Variants in NR3C2 observed in about 807,000 individuals in gnomAD.
NR3C2 encodes nuclear receptor subfamily 3 group C member 2.
In NR3C2, 15 loss-of-function variants were observed where a neutral mutation model predicts 86.4. The ratio of observed to expected loss-of-function variants is 0.17; its 90% CI spans 0.12 to 0.27. The LOEUF (loss-of-function observed/expected upper bound fraction) is 0.27. NR3C2 is among the 10% of genes least tolerant of loss of function. The pLI is 1.00. For missense variants in NR3C2, 960 were observed against 1,195.6 expected (o/e 0.80, Z 2.91); for synonymous variants, 458 against 450.5 (o/e 1.02, Z -0.21).
At chr4:148,410,334 T>C (rs939634166) in intron 2 of NR3C2, among the ~76,000 whole-genome samples, 3 of 152,148 alleles carry the variant, frequency 2.0e-5, no homozygotes, top group Non-Finnish European at 4.4e-5. Context: ...TATCTAATAA[T>C]AAAGTTTTGA....
intron 2 of NR3C2, among the ~76,000 whole-genome samples, chr4:148,422,354 C>A (rs1204478260): frequency 6.6e-6 from 1 of 151,542 alleles, no homozygotes. Flanking sequence ...ATCATAAATT[C>A]TTTAGTCATA....
At chr4:148,433,376 TAA>T (rs927527633) in intron 2 of NR3C2, among the ~76,000 whole-genome samples, 1 of 152,160 alleles carries the variant, frequency 6.6e-6, no homozygotes, top group African/African-American at 2.4e-5. Flanking sequence ...AGTTTAATCA[TAA>T]GAGATTATCA....
chr4:148,081,535 C>G (rs761398617), intron 8 of NR3C2, 36 bp from the exon 9 acceptor site: 2 of 1,610,926 alleles, frequency 1.2e-6, no homozygotes, highest in Non-Finnish European at 1.7e-6. Flanking sequence ...ACACGGGGGC[C>G]TCCTTTCCGA....
At chr4:148,181,789 T>C (rs768285703) in intron 4 of NR3C2, among the ~76,000 whole-genome samples, 4 of 152,240 alleles carry the variant, frequency 2.6e-5, no homozygotes, top group Non-Finnish European at 5.9e-5. Flanking sequence ...TATTTTCCTT[T>C]GCATGCTGCC....
chr4:148,280,244 C>T lies in NR3C2; in HGVS notation c.1758-20127G>A, dbSNP rs145938273. Among the ~76,000 whole-genome samples, 1,521 of 152,186 alleles carry T rather than the reference C, an allele frequency of 1.0e-2. 25 individuals carry two copies. Among genetic ancestry groups the T allele is most frequent in the African/African-American group, 0.035 (1,438 of 41,506 alleles). On this transcript the variant is annotated intron_variant, in intron 2 of 8. Transcript: ENST00000358102. The stretch of plus-strand genomic sequence containing the variant: ...ATATTTTCATAATTTTTCTGAAGTG[C>T]ACTTTTGGCTAACTACTATCAGACT...
chr4:148,435,997 G>T lies in NR3C2; in HGVS notation c.864C>A (p.Pro288=), dbSNP rs1347453917. Residue 288 remains proline (P), a synonymous_variant, in exon 2 of 9, where the codon CCC becomes CCA. Coordinates refer to ENST00000358102, the MANE Select transcript of NR3C2 (RefSeq NM_000901.5). ...HCSVKSPVSS[P]NNVTLRSSVS... ...CAGAGGATCTCAGAGTGACATTATT[G>T]GGACTGGAGACTGGAGATTTTACAC... The T allele has an allele frequency of 5.6e-6, 9 of 1,614,192 alleles. No individual in the cohort carries two copies. The highest frequency in any genetic ancestry group is 7.6e-6 in the Non-Finnish European group (9 of 1,180,038).
chr4:148,216,330 A>T (rs1737535780), intron 3 of NR3C2, among the ~76,000 whole-genome samples: 1 of 152,186 alleles, frequency 6.6e-6, no homozygotes, highest in Non-Finnish European at 1.5e-5. Flanking sequence ...TTCCTGGTCA[A>T]CTGCCGAAGT....
At chr4:148,367,815 C>T (rs2126359929) in intron 2 of NR3C2, among the ~76,000 whole-genome samples, 1 of 151,488 alleles carries the variant, frequency 6.6e-6, no homozygotes, top group Non-Finnish European at 1.5e-5. Flanking sequence ...CATTGAAAAC[C>T]TGTGTTTTTC....
At chr4:148,281,371 C>T (rs3857083) in intron 2 of NR3C2, among the ~76,000 whole-genome samples, 77,037 of 152,088 alleles carry the variant, frequency 0.51, 20,891 homozygotes, top group African/African-American at 0.71. Context: ...CATAGTTGAG[C>T]GCTATGGTTC....
intron 4 of NR3C2, among the ~76,000 whole-genome samples, chr4:148,172,124 T>C (rs1009424643): frequency 6.6e-6 from 1 of 152,178 alleles, no homozygotes; most frequent in Admixed American, 6.5e-5. Flanking sequence ...TGTTTTTACA[T>C]TTGTCTCGGG....
intron 2 of NR3C2, among the ~76,000 whole-genome samples, chr4:148,287,979 A>G (rs1741612188): frequency 1.3e-5 from 2 of 152,186 alleles, no homozygotes; most frequent in Admixed American, 1.3e-4. Flanking sequence ...CATTTAACTA[A>G]CTATATTCTT....
intron 2 of NR3C2, among the ~76,000 whole-genome samples, chr4:148,410,399 A>T (rs1429937321): frequency 6.6e-6 from 1 of 152,206 alleles, no homozygotes; most frequent in African/African-American, 2.4e-5. Context: ...AAACTACACC[A>T]TCGTCCAAGA....
chr4:148,223,218 C>T lies in NR3C2; in HGVS notation c.1898-28356G>A, dbSNP rs148831343. Among the ~76,000 whole-genome samples, 409 of 152,232 alleles carry T rather than the reference C, an allele frequency of 2.7e-3. 15 individuals are homozygous for T. Among genetic ancestry groups the T allele is most frequent in the Admixed American group, 0.024 (363 of 15,278 alleles). On this transcript the variant is annotated intron_variant, in intron 3 of 8. Coordinates refer to ENST00000358102, the MANE Select transcript of NR3C2 (RefSeq NM_000901.5). ...TGCAGCAAGCTCCGAATATTCCTCA[C>T]GTCCCCTTCAAATCTCAATGCATTC...
intron 2 of NR3C2, among the ~76,000 whole-genome samples, chr4:148,390,080 A>C (rs1214058401): frequency 6.6e-6 from 1 of 151,988 alleles, no homozygotes; most frequent in Non-Finnish European, 1.5e-5. Context: ...ACGTCCGGGC[A>C]AGGAGGGAAG....
chr4:148,241,486 C>T (rs1739044586), intron 3 of NR3C2, among the ~76,000 whole-genome samples: 1 of 152,022 alleles, frequency 6.6e-6, no homozygotes, highest in East Asian at 2.0e-4. Context: ...GCATTCTAGC[C>T]TCCTTCCTGC....
chr4:148,173,767 C>T (rs1426329551), intron 4 of NR3C2, among the ~76,000 whole-genome samples: 1 of 152,208 alleles, frequency 6.6e-6, no homozygotes, highest in African/African-American at 2.4e-5. Flanking sequence ...ATGAGAGGCC[C>T]TTGTTGTAGC....
intron 3 of NR3C2, among the ~76,000 whole-genome samples, chr4:148,227,292 C>G (rs1034383567): frequency 2.0e-5 from 3 of 152,118 alleles, no homozygotes; most frequent in African/African-American, 7.2e-5. Flanking sequence ...TGCTTAAATT[C>G]AACTTAGGCA....
chr4:148,188,973 G>C (rs1275626586), intron 4 of NR3C2, among the ~76,000 whole-genome samples: 1 of 147,844 alleles, frequency 6.8e-6, no homozygotes, highest in African/African-American at 2.5e-5. Flanking sequence ...TGCTACCCAG[G>C]CTGGAGTGCA....
At chr4:148,120,710 C>T (rs989858114) in intron 6 of NR3C2, among the ~76,000 whole-genome samples, 8 of 152,182 alleles carry the variant, frequency 5.3e-5, no homozygotes, top group South Asian at 2.1e-4. Context: ...CTAGATGCTA[C>T]GAACATAGGA....
Sources: allele counts gnomAD v4.1 joint callset (sites outside exome capture counted in the v4.1 genomes callset), GRCh38; gene constraint gnomAD v4.1.1; transcripts MANE v1.5; gene names NCBI Gene and HGNC (gene_info 2026-07-23, HGNC 2026-07-21).